Variants in TBC1D16 observed in about 807,000 individuals in gnomAD.
The protein encoded by TBC1D16 is CTD-2529O21.1.
Under a neutral mutation model 74.7 loss-of-function variants are expected in TBC1D16, and 58 were observed. The ratio of observed to expected loss-of-function variants is 0.78; its 90% CI spans 0.63 to 0.97. The LOEUF (loss-of-function observed/expected upper bound fraction) is 0.97. Among genes scored for constraint, TBC1D16 ranks in the 50% least tolerant of loss-of-function variants. The pLI is 0.00. For missense variants in TBC1D16, 1,014 were observed against 1,079.5 expected (o/e 0.94, Z 0.85); for synonymous variants, 493 against 474.7 (o/e 1.04, Z -0.50).
Position 79,988,959 on chromosome 17 carries a change from T to G in TBC1D16, c.779+21201A>C, listed in dbSNP as rs2034958167. Among the ~76,000 whole-genome samples the G allele has an allele frequency of 6.6e-6, 1 of 152,180 alleles. No homozygotes were observed. Among genetic ancestry groups the G allele is most frequent in the African/African-American group, 2.4e-5 (1 of 41,450 alleles). On this transcript the variant is annotated intron_variant, in intron 3 of 11. Coordinates refer to ENST00000310924, the MANE Select transcript of TBC1D16 (RefSeq NM_019020.4). This position sits in a 1 kb window ranked among gnomAD's most constrained non-coding sequence, Gnocchi z 5.7. ...CAGGACCCAGCACCTTCAGTCCTCC[T>G]GCCGAGAAGAAGCCTTTCATCAGTA...
chr17:79,943,758 G>A, intron 10 of TBC1D16: 1 of 1,099,806 alleles, frequency 9.1e-7, no homozygotes, highest in South Asian at 1.9e-5. Flanking sequence ...TTGGGACACA[G>A]TAGGTGTCCA....
In TBC1D16 at chr17:79,979,433, G is replaced by A. The variant is rs1242008537; in HGVS notation, c.780-26615C>T. Among the ~76,000 whole-genome samples the A allele has an allele frequency of 2.0e-5, 3 of 152,208 alleles. No individual in the cohort carries two copies. The highest frequency in any genetic ancestry group is 4.4e-5 in the Non-Finnish European group (3 of 68,036). ...TCGAGGTGAAGCTGCGACACTGTGT[G>A]GAAACCCAGGGGAGATGGGAGAGGC... On this transcript the variant is annotated intron_variant, in intron 3 of 11. Transcript: ENST00000310924. The surrounding 1 kb of genome is among the most constrained non-coding windows in gnomAD (Gnocchi z 4.8).
chr17:79,960,171 T>G (rs2033529708), intron 3 of TBC1D16, among the ~76,000 whole-genome samples: 1 of 152,140 alleles, frequency 6.6e-6, no homozygotes, highest in Non-Finnish European at 1.5e-5. Context: ...ATTTGCCAAA[T>G]GCTTATATGA....
Position 79,971,384 on chromosome 17 carries a change from G to A in TBC1D16, c.780-18566C>T, listed in dbSNP as rs563463004. 6.6e-6 allele frequency among the ~76,000 whole-genome samples: 1 copy of A among 152,218 alleles called. No individual in the cohort carries two copies. The highest frequency in any genetic ancestry group is 2.1e-4 in the South Asian group (1 of 4,820). On this transcript the variant is annotated intron_variant, in intron 3 of 11. Coordinates refer to ENST00000310924, the MANE Select transcript of TBC1D16 (RefSeq NM_019020.4). This position sits in a 1 kb window ranked among gnomAD's most constrained non-coding sequence, Gnocchi z 4.6. ...CAAGTGGTAAATAAATTCACGTTGTGGTTAAAAATTTTAAAAAGACTGAAG... is the reference window on the plus strand; with the variant it reads ...CAAGTGGTAAATAAATTCACGTTGTAGTTAAAAATTTTAAAAAGACTGAAG...
At position 80,001,560 on chromosome 17, in the gene TBC1D16, C is replaced by A. The variant is rs1431261415; in HGVS notation, c.779+8600G>T. Among the ~76,000 whole-genome samples, 1 of 152,032 alleles carries A rather than the reference C, an allele frequency of 6.6e-6. No homozygotes were observed. The highest frequency in any genetic ancestry group is 6.6e-5 in the Admixed American group (1 of 15,264). On this transcript the variant is annotated intron_variant, in intron 3 of 11. Coordinates refer to ENST00000310924, the MANE Select transcript of TBC1D16 (RefSeq NM_019020.4). The surrounding 1 kb of genome is among the most constrained non-coding windows in gnomAD (Gnocchi z 5.8). ...GCGCTCTCGGGGTATCCCCGGGCGC[C>A]CTGGTTGGCCCACGACCGGGATCAG...
rs1056585343 is a variant in TBC1D16 at position 80,009,135 on chromosome 17, C to A, written c.779+1025G>T. Among the ~76,000 whole-genome samples the A allele has an allele frequency of 6.6e-6, 1 of 152,264 alleles. No homozygotes were observed. The highest frequency in any genetic ancestry group is 2.4e-5 in the African/African-American group (1 of 41,480). On this transcript the variant is annotated intron_variant, in intron 3 of 11. Transcript: ENST00000310924. This position sits in a 1 kb window ranked among gnomAD's most constrained non-coding sequence, Gnocchi z 5.4. ...ACCATCCATAGCCCACGGTGTCCAGCGCCCAGGCGAGACCCAGACCACCCA... is the reference window on the plus strand; with the variant it reads ...ACCATCCATAGCCCACGGTGTCCAGAGCCCAGGCGAGACCCAGACCACCCA...
In TBC1D16 at chr17:80,008,923, G is replaced by A. The variant is rs1336662843; in HGVS notation, c.779+1237C>T. 1.3e-5 allele frequency among the ~76,000 whole-genome samples: 2 copies of A among 152,196 alleles called. No homozygotes were observed. Among genetic ancestry groups the A allele is most frequent in the Non-Finnish European group, 2.9e-5 (2 of 68,018 alleles). ...CCACTCCCCGGCTTAATCGGCCTGG[G>A]GTGACCTTTTATGCTGCAGCCCTGG... On this transcript the variant is annotated intron_variant, in intron 3 of 11. Coordinates refer to ENST00000310924, the MANE Select transcript of TBC1D16 (RefSeq NM_019020.4). The surrounding 1 kb of genome is among the most constrained non-coding windows in gnomAD (Gnocchi z 4.5).
chr17:79,999,007 G>A (rs553885104), intron 3 of TBC1D16, among the ~76,000 whole-genome samples: 163 of 152,294 alleles, frequency 1.1e-3, no homozygotes, highest in South Asian at 2.9e-3. Context: ...TGTAACCCCA[G>A]CACTCTGGGA....
At position 80,001,074 on chromosome 17, in the gene TBC1D16, C is replaced by T. The variant is rs536767926; in HGVS notation, c.779+9086G>A. On this transcript the variant is annotated intron_variant, in intron 3 of 11. Transcript: ENST00000310924. The surrounding 1 kb of genome is among the most constrained non-coding windows in gnomAD (Gnocchi z 5.8). ...CGGCTGGGCGCCTGCTTGGCTTCTC[C>T]GCCTGACAGTGAGACTGCTGGGGCG... Among the ~76,000 whole-genome samples, 2 of 152,354 alleles carry T rather than the reference C, an allele frequency of 1.3e-5. No homozygotes were observed. The highest frequency in any genetic ancestry group is 4.1e-4 in the South Asian group (2 of 4,834).
At chr17:79,970,451 G>A (rs1331999293) in intron 3 of TBC1D16, among the ~76,000 whole-genome samples, 10 of 152,170 alleles carry the variant, frequency 6.6e-5, no homozygotes, top group Non-Finnish European at 1.0e-4. Context: ...CTATGCACCC[G>A]CTCTCTCCCG....
At position 79,949,854 on chromosome 17, in the gene TBC1D16, A is replaced by G; in HGVS notation, c.1269T>C (p.Phe423=). The G allele has an allele frequency of 1.2e-6, 2 of 1,613,216 alleles. No individual in the cohort carries two copies. The highest frequency in any genetic ancestry group is 1.7e-5 in the Admixed American group (1 of 59,980). The change falls in exon 7 of 12, where the codon TTT becomes TTC. Residue 423 remains phenylalanine (F), a synonymous_variant. Transcript: ENST00000310924. ...EEYKLRKAIF[F]GGIDVSIRGE... ...CGCGGATTGACACATCAATACCGCC[A>G]AAGAAAATGGCCTGGAGGAAGCGGC...
intron 10 of TBC1D16, among the ~76,000 whole-genome samples, chr17:79,943,669 C>G (rs976463699): frequency 2.6e-5 from 4 of 151,576 alleles, no homozygotes; most frequent in African/African-American, 9.7e-5. Context: ...GCTTTGTGGA[C>G]TTCCAACACA....
Position 79,941,202 on chromosome 17 carries a change from C to A in TBC1D16, c.2056-95G>T. ...TGGCCAAAGACAGCAACAGCAGCAA[C>A]AACGGCCTGCACCTCGGGGGCTCAC... On this transcript the variant is annotated intron_variant, in intron 11 of 11. Transcript: ENST00000310924. This position sits in a 1 kb window ranked among gnomAD's most constrained non-coding sequence, Gnocchi z 4.3. The A allele has an allele frequency of 7.9e-7, 1 of 1,260,320 alleles. No individual in the cohort carries two copies. Among genetic ancestry groups the A allele is most frequent in the East Asian group, 2.6e-5 (1 of 38,750 alleles). The allele number at this position is 1,260,320 out of a possible 1,614,324, so 78.1% of individuals were successfully genotyped here. A position where few individuals can be genotyped will look rare whatever the true frequency, so the allele number is the denominator to read the frequency against.
chr17:79,998,766 G>A (rs191436148), intron 3 of TBC1D16, among the ~76,000 whole-genome samples: 4 of 152,164 alleles, frequency 2.6e-5, no homozygotes, highest in East Asian at 1.9e-4. Context: ...GCCACCGTTC[G>A]CACATCCACC....
In TBC1D16 at chr17:79,939,233, T is replaced by C. The variant is rs2031805763; in HGVS notation, c.*1626A>G. 1 of 152,204 alleles carries C rather than the reference T, an allele frequency of 6.6e-6. No individual in the cohort carries two copies. The highest frequency in any genetic ancestry group is 1.5e-5 in the Non-Finnish European group (1 of 68,054). 9.4% of individuals were successfully genotyped at this position (152,204 alleles called of 1,614,324 possible). ...CCCACTGCTAGACAGCAATGGTCGG[T>C]ACCCCAGGATCTGGGCACTGATGGG... On this transcript the variant is annotated 3_prime_UTR_variant, in exon 12 of 12. Coordinates refer to ENST00000310924, the MANE Select transcript of TBC1D16 (RefSeq NM_019020.4).
rs1469771480 is a variant in TBC1D16 at position 80,013,507 on chromosome 17, G to A, written c.41C>T (p.Ala14Val). The change falls in exon 2 of 12, where the codon GCC becomes GTC. Residue 14 changes from alanine to valine, a missense_variant. Physicochemically the swap from Ala to Val is moderately conservative, Grantham distance 64 (BLOSUM62 0). Coordinates refer to ENST00000310924, the MANE Select transcript of TBC1D16 (RefSeq NM_019020.4). ...GRLLRRASSK[A>V]SDLLTLTPGG... The stretch of plus-strand genomic sequence containing the variant: ...GGGGGTGAGGGTCAGGAGGTCCGAG[G>A]CTTTGGAGGAGGCCCTGCGAAGGAG... The A allele has an allele frequency of 6.4e-7, 1 of 1,571,404 alleles. No homozygotes were observed. The highest frequency in any genetic ancestry group is 1.9e-5 in the Admixed American group (1 of 52,078).
In TBC1D16 at chr17:80,013,538, C is replaced by T; in HGVS notation, c.10G>A (p.Gly4Ser). 1 of 1,518,804 alleles carries T rather than the reference C, an allele frequency of 6.6e-7. No individual in the cohort carries two copies. Among genetic ancestry groups the T allele is most frequent in the Non-Finnish European group, 8.8e-7 (1 of 1,132,504 alleles). 94.1% of individuals were successfully genotyped at this position (1,518,804 alleles called of 1,614,324 possible). Reference sequence around the variant, plus strand: ...GAGGAGGCCCTGCGAAGGAGGCGGCCCAGAGACATTGCCGGGCAAGTGTTT... The same window carrying T: ...GAGGAGGCCCTGCGAAGGAGGCGGCTCAGAGACATTGCCGGGCAAGTGTTT... MSLGRLLRRASSKA... is the reference protein window; with the variant it reads MSLSRLLRRASSKA... Residue 4 changes from glycine to serine, a missense_variant, in exon 2 of 12, where the codon GGC becomes AGC. Coordinates refer to ENST00000310924, the MANE Select transcript of TBC1D16 (RefSeq NM_019020.4).
At chr17:79,989,792 G>A (rs1006696831) in intron 3 of TBC1D16, among the ~76,000 whole-genome samples, 2 of 152,216 alleles carry the variant, frequency 1.3e-5, no homozygotes, top group Admixed American at 1.3e-4. Context: ...GAACGGTATT[G>A]AAAAGATGAC....
intron 1 of TBC1D16, among the ~76,000 whole-genome samples, chr17:80,022,679 C>T (rs9674752): frequency 0.58 from 84,697 of 146,398 alleles, 25,893 homozygotes; most frequent in African/African-American, 0.68. Context: ...CACTGTCGCC[C>T]AGGCTGGAGT....
Sources: allele counts gnomAD v4.1 joint callset (sites outside exome capture counted in the v4.1 genomes callset), GRCh38; gene constraint gnomAD v4.1.1; non-coding constraint Gnocchi (gnomAD v3.1); transcripts MANE v1.5; gene names NCBI Gene and HGNC (gene_info 2026-07-23, HGNC 2026-07-21).